The following MYOZ1 variants were observed in gnomAD, a reference collection of about 807,000 sequenced individuals.
MYOZ1 encodes the protein myozenin 1, also known as myozenin-1.
Under a neutral mutation model 28.7 loss-of-function variants are expected in MYOZ1, and 20 were observed. That is an observed-to-expected ratio of 0.70 (90% CI 0.49 to 1.01). The LOEUF is 1.01. Ranked by LOEUF, MYOZ1 falls within the 50% of genes least tolerant of loss-of-function variation. The probability of loss-of-function intolerance (pLI) is 0.00; values close to 1 mark genes in which losing one functional copy is unlikely to be tolerated. For synonymous variants in MYOZ1, 144 were observed against 145.8 expected (o/e 0.99, Z 0.09); for missense variants, 371 against 372.4 (o/e 1.00, Z 0.03).
intron 3 of MYOZ1, 55 bp from the exon 4 acceptor site, chr10:73,634,788 A>G: frequency 6.3e-7 from 1 of 1,579,242 alleles, no homozygotes; most frequent in South Asian, 1.2e-5. Context: ...AAAATATACA[A>G]AAACAGAGGT....
intron 2 of MYOZ1, among the ~76,000 whole-genome samples, chr10:73,638,575 CT>C (rs1259037350): frequency 6.6e-6 from 1 of 151,468 alleles, no homozygotes; most frequent in African/African-American, 2.4e-5. Context: ...CTCAACTGAC[CT>C]ACCAGCCACG....
Position 73,634,640 on chromosome 10 carries a change from T to TGCC in MYOZ1, c.343_345dup (p.Gly115dup). ...GCAGAGCCACTGCCCCCTGCCTGGC[T>TGCC]GCCGCCTCTGCCGTTGCTCTTGCTG... is the stretch of plus-strand genomic sequence containing the variant. On this transcript the variant is annotated inframe_insertion, in exon 4 of 6. Coordinates refer to ENST00000359322, the MANE Select transcript of MYOZ1 (RefSeq NM_021245.4). The TGCC allele has an allele frequency of 1.2e-6, 2 of 1,614,232 alleles. No individual in the cohort carries two copies. Among genetic ancestry groups the TGCC allele is most frequent in the Non-Finnish European group, 1.7e-6 (2 of 1,180,030 alleles).
rs1272117970 is a variant in MYOZ1 at position 73,632,621 on chromosome 10, C to T, written c.669-460G>A. On this transcript the variant is annotated intron_variant, in intron 5 of 5. Coordinates refer to ENST00000359322, the MANE Select transcript of MYOZ1 (RefSeq NM_021245.4). ...CTCTACTAAAAATACAAACACCCCC[C>T]CCCCAAAAAAAAATTAGCTGGGCAT... Among the ~76,000 whole-genome samples, 2 of 150,454 alleles carry T rather than the reference C, an allele frequency of 1.3e-5. 1 individual carries two copies. Among genetic ancestry groups the T allele is most frequent in the Admixed American group, 1.3e-4 (2 of 15,064 alleles).
intron 3 of MYOZ1, among the ~76,000 whole-genome samples, 180 bp downstream of exon 3, chr10:73,637,564 T>C (rs1190250546): frequency 1.3e-5 from 2 of 152,160 alleles, no homozygotes; most frequent in Middle Eastern, 3.2e-3. Flanking sequence ...GAAAACTGGG[T>C]TTCAGAGGTG....
At chr10:73,636,108 C>T (rs1168347927) in intron 3 of MYOZ1, among the ~76,000 whole-genome samples, 3 of 152,170 alleles carry the variant, frequency 2.0e-5, no homozygotes, top group Admixed American at 6.6e-5. Context: ...CTTCTGCCCC[C>T]GGCCCCATGC....
intron 4 of MYOZ1, 71 bp from the exon 5 acceptor site, chr10:73,634,136 C>T (rs2132405368): frequency 7.1e-6 from 11 of 1,553,128 alleles, no homozygotes; most frequent in Non-Finnish European, 9.7e-6. Flanking sequence ...AATCCCACGC[C>T]CCTACACTAG....
intron 5 of MYOZ1, among the ~76,000 whole-genome samples, chr10:73,632,493 G>A (rs1227579137): frequency 2.6e-5 from 4 of 152,018 alleles, no homozygotes; most frequent in African/African-American, 4.8e-5. Context: ...GGTGCGGTGC[G>A]GTGGCTCACG....
At chr10:73,634,304 T>C (rs1199543030) in intron 4 of MYOZ1, among the ~76,000 whole-genome samples, 180 bp downstream of exon 4, 1 of 152,150 alleles carries the variant, frequency 6.6e-6, no homozygotes, top group African/African-American at 2.4e-5. Flanking sequence ...CACATCTCTA[T>C]ATACTCCTGG....
rs747005886 is a variant in MYOZ1, at chr10:73,633,889, A to G, written c.668+11T>C. On this transcript the variant is annotated intron_variant, in intron 5 of 5. Coordinates refer to ENST00000359322, the MANE Select transcript of MYOZ1 (RefSeq NM_021245.4). Reference sequence around the variant, plus strand: ...CTAGAATGCATCTGGTTCCTTCCTCACCACCCCTACCTGTTGAAGGACTTA... The same window carrying G: ...CTAGAATGCATCTGGTTCCTTCCTCGCCACCCCTACCTGTTGAAGGACTTA... The G allele has an allele frequency of 5.0e-6, 8 of 1,595,224 alleles. No homozygotes were observed. In the East Asian group the frequency reaches 6.7e-5, roughly 13 times the overall value.
At chr10:73,632,204 G>T in intron 5 of MYOZ1, 43 bp from the exon 6 acceptor site, 6 of 1,553,066 alleles carry the variant, frequency 3.9e-6, no homozygotes, top group Non-Finnish European at 5.3e-6. Context: ...CAGAATAAAA[G>T]AAACAGAGCC....
intron 2 of MYOZ1, among the ~76,000 whole-genome samples, chr10:73,638,625 C>T (rs1417732111): frequency 2.9e-5 from 4 of 139,862 alleles, no homozygotes; most frequent in African/African-American, 1.1e-4. Context: ...TGAGCCGTGG[C>T]GCCCAGCCTA....
rs372555539 is a variant in MYOZ1 at position 73,640,012 on chromosome 10, C to T, written c.6G>A (p.Pro2=). The part of the protein sequence containing the change: M[P]LSGTPAPNKK... ...TATTAGGGGCCGGGGTTCCTGAGAG[C>T]GGCATTGTGGAGGTGGATTCAGCCT... The change falls in exon 2 of 6, where the codon CCG becomes CCA. Residue 2 remains proline, a synonymous_variant. Coordinates refer to ENST00000359322, the MANE Select transcript of MYOZ1 (RefSeq NM_021245.4). The T allele has an allele frequency of 5.5e-5, 89 of 1,613,778 alleles. 1 individual carries two copies. The South Asian group carries it at 5.9e-4, about 11-fold the overall frequency.
At position 73,632,038 on chromosome 10, in the gene MYOZ1, G is replaced by A; in HGVS notation, c.792C>T (p.Asn264=). ...PLVLYNQNLS[N]RPSFNRTPIP... ...TAGGGGTTCGATTGAAAGAAGGCCTGTTGGAGAGGTTTTGGTTGTAGAGGA... is the reference window on the plus strand; with the variant it reads ...TAGGGGTTCGATTGAAAGAAGGCCTATTGGAGAGGTTTTGGTTGTAGAGGA... Residue 264 remains asparagine, a synonymous_variant, in exon 6 of 6, where the codon AAC becomes AAT. Transcript: ENST00000359322. 6.2e-7 allele frequency: 1 copy of A among 1,614,178 alleles called. No individual in the cohort carries two copies. The highest frequency in any genetic ancestry group is 8.5e-7 in the Non-Finnish European group (1 of 1,180,038).
At chr10:73,638,854 C>G (rs747672958) in intron 2 of MYOZ1, among the ~76,000 whole-genome samples, 9 of 148,512 alleles carry the variant, frequency 6.1e-5, no homozygotes, top group South Asian at 2.1e-4. Context: ...TTTGTAGAGA[C>G]AGGGTTTCAC....
chr10:73,638,816 G>A (rs542267099), intron 2 of MYOZ1, among the ~76,000 whole-genome samples: 2 of 151,106 alleles, frequency 1.3e-5, no homozygotes, highest in African/African-American at 4.9e-5. Flanking sequence ...ACAGGCACCC[G>A]GCACCATGCC....
Position 73,634,015 on chromosome 10 carries a change from T to G in MYOZ1, c.553A>C (p.Ile185Leu). 1 of 1,613,936 alleles carries G rather than the reference T, an allele frequency of 6.2e-7. No homozygotes were observed. The highest frequency in any genetic ancestry group is 1.7e-4 in the Middle Eastern group (1 of 6,060). ...GKHITVFKTY[I>L]SPWERAMGVD... is the part of the protein sequence containing the mutation. The stretch of plus-strand genomic sequence containing the variant: ...CCCATGGCTCGCTCCCATGGGGAAA[T>G]ATAGGTCTTGAACACAGTGATATGT... Residue 185 changes from isoleucine (I) to leucine (L), a missense_variant, in exon 5 of 6, where the codon ATT (isoleucine) becomes CTT (leucine). Coordinates refer to ENST00000359322, the MANE Select transcript of MYOZ1 (RefSeq NM_021245.4).
At chr10:73,640,194 G>A (rs778711515) in intron 1 of MYOZ1, among the ~76,000 whole-genome samples, 159 bp from the exon 2 acceptor site, 7 of 152,158 alleles carry the variant, frequency 4.6e-5, no homozygotes, top group African/African-American at 7.2e-5. Context: ...TGTCGCCCAG[G>A]CTGGAGTGCA....
At chr10:73,638,747 A>G (rs557495328) in intron 2 of MYOZ1, among the ~76,000 whole-genome samples, 2 of 150,202 alleles carry the variant, frequency 1.3e-5, no homozygotes, top group South Asian at 4.2e-4. Context: ...GCTCACTGCA[A>G]CCTCCATCTC....
chr10:73,636,807 T>A (rs2081669711), intron 3 of MYOZ1, among the ~76,000 whole-genome samples: 1 of 152,110 alleles, frequency 6.6e-6, no homozygotes, highest in Non-Finnish European at 1.5e-5. Flanking sequence ...GGGACTTACT[T>A]ATACTAAAAA....
Sources: gnomAD v4.1 joint callset for allele counts (sites outside exome capture counted in the v4.1 genomes callset) on GRCh38, gnomAD v4.1.1 for gene constraint, MANE v1.5 for transcripts, NCBI Gene and HGNC (gene_info 2026-07-23, HGNC 2026-07-21) for gene names.